PHACTR2: variants seen among roughly 807,000 people sequenced by gnomAD.
PHACTR2 encodes the protein chromosome 6 open reading frame 56.
A neutral mutation model predicts 76.0 loss-of-function variants in PHACTR2; 30 were observed. The observed-to-expected ratio is 0.39, with a 90% CI of 0.30 to 0.54. The LOEUF is 0.54. Among genes scored for constraint, PHACTR2 ranks in the 20% least tolerant of loss-of-function variants. The probability of loss-of-function intolerance (pLI) is 0.61; values close to 1 mark genes in which losing one functional copy is unlikely to be tolerated. For missense variants in PHACTR2, 696 were observed against 781.1 expected (o/e 0.89, Z 1.30); for synonymous variants, 292 against 292.5 (o/e 1.00, Z 0.02).
At chr6:143,736,623 G>A (rs1223117158) in intron 2 of PHACTR2, among the ~76,000 whole-genome samples, 1 of 123,910 alleles carries the variant, frequency 8.1e-6, no homozygotes, top group African/African-American at 3.1e-5. Context: ...CACCCAGGCT[G>A]GAGTGCAGTG....
At position 143,821,789 on chromosome 6, in the gene PHACTR2, G is replaced by A. The variant is rs1381512193; in HGVS notation, c.1923-1885G>A. 6.6e-6 allele frequency among the ~76,000 whole-genome samples: 1 copy of A among 152,166 alleles called. No individual in the cohort carries two copies. Among genetic ancestry groups the A allele is most frequent in the Non-Finnish European group, 1.5e-5 (1 of 68,032 alleles). ...ACAGATTGCTTGAGTGCAGGAGTTTGAGAACAGCCTGAGCAACATAGCAAA... is the reference window on the plus strand; with the variant it reads ...ACAGATTGCTTGAGTGCAGGAGTTTAAGAACAGCCTGAGCAACATAGCAAA... On this transcript the variant is annotated intron_variant, in intron 12 of 12. Coordinates refer to ENST00000440869, the MANE Select transcript of PHACTR2 (RefSeq NM_001100164.2). This position sits in a 1 kb window ranked among gnomAD's most constrained non-coding sequence, Gnocchi z 5.2.
intron 10 of PHACTR2, among the ~76,000 whole-genome samples, chr6:143,785,988 A>G (rs1775548200): frequency 6.6e-6 from 1 of 152,182 alleles, no homozygotes; most frequent in African/African-American, 2.4e-5. Context: ...CATTTTCCCC[A>G]TGGTCTTGAG....
At position 143,619,204 on chromosome 6, in the gene PHACTR2, G is replaced by C. The variant is rs1474649230; in HGVS notation, c.13+10882G>C. On this transcript the variant is annotated intron_variant, in intron 1 of 11. Transcript: ENST00000305766. The surrounding 1 kb of genome is among the most constrained non-coding windows in gnomAD (Gnocchi z 4.5). ...TCTACCTGCATGCTTACCTACCTGT[G>C]ATCTATTTTTCTGTCTACCTATCAT... Among the ~76,000 whole-genome samples the C allele has an allele frequency of 2.0e-5, 3 of 152,034 alleles. No individual in the cohort carries two copies. Among genetic ancestry groups the C allele is most frequent in the South Asian group, 2.1e-4 (1 of 4,818 alleles).
In PHACTR2 at chr6:143,672,285, TACA is replaced by T. The variant is rs1777166596; in HGVS notation, c.14-39729_14-39727del. Among the ~76,000 whole-genome samples, 2 of 145,268 alleles carry T rather than the reference TACA, an allele frequency of 1.4e-5. No homozygotes were observed. The highest frequency in any genetic ancestry group is 5.2e-5 in the African/African-American group (2 of 38,160). On this transcript the variant is annotated intron_variant, in intron 1 of 11. Coordinates refer to the PHACTR2 transcript ENST00000305766. This position sits in a 1 kb window ranked among gnomAD's most constrained non-coding sequence, Gnocchi z 5.8. ...GGGCAATATAGTGAGACCCTATCTCTACAAAAAAAAAAAAAATTACAAATAATT... is the reference window on the plus strand; with the variant it reads ...GGGCAATATAGTGAGACCCTATCTCTAAAAAAAAAAAAATTACAAATAATT...
intron 1 of PHACTR2, among the ~76,000 whole-genome samples, chr6:143,626,755 A>C (rs1776267621): frequency 6.6e-6 from 1 of 152,266 alleles, no homozygotes; most frequent in Admixed American, 6.5e-5. Flanking sequence ...TGCCTGTGCT[A>C]TGTACACCAG....
rs1582705164 is a variant in PHACTR2, at chr6:143,618,800, ACTCCT to A, written c.13+10490_13+10494del. Among the ~76,000 whole-genome samples, 1 of 150,714 alleles carries A rather than the reference ACTCCT, an allele frequency of 6.6e-6. No homozygotes were observed. The highest frequency in any genetic ancestry group is 6.6e-5 in the Admixed American group (1 of 15,136). On this transcript the variant is annotated intron_variant, in intron 1 of 11. Transcript: ENST00000305766. This position sits in a 1 kb window ranked among gnomAD's most constrained non-coding sequence, Gnocchi z 5.2. Reference sequence around the variant, plus strand: ...TCCTCTGGATAGAATGAGTGTTCTCACTCCTCTCCTCTCCTCCCCGAAAACTCTCT... The same window carrying A: ...TCCTCTGGATAGAATGAGTGTTCTCACTCCTCTCCTCCCCGAAAACTCTCT...
chr6:143,655,078 A>G (rs1776825419), intron 1 of PHACTR2, among the ~76,000 whole-genome samples: 1 of 149,476 alleles, frequency 6.7e-6, no homozygotes. Context: ...AATTGCTTGA[A>G]CCTGGGAGGC....
In PHACTR2 at chr6:143,624,202, G is replaced by C. The variant is rs1404826524; in HGVS notation, c.13+15880G>C. ...GCTCATTACAACCTCTGCCCCCTGGGTTGAAGCAATTCTCCTGCCTCAGCT... is the reference window on the plus strand; with the variant it reads ...GCTCATTACAACCTCTGCCCCCTGGCTTGAAGCAATTCTCCTGCCTCAGCT... On this transcript the variant is annotated intron_variant, in intron 1 of 11. Coordinates refer to the PHACTR2 transcript ENST00000305766. The surrounding 1 kb of genome is among the most constrained non-coding windows in gnomAD (Gnocchi z 4.6). Among the ~76,000 whole-genome samples the C allele has an allele frequency of 1.3e-5, 2 of 152,104 alleles. No individual in the cohort carries two copies. The highest frequency in any genetic ancestry group is 4.8e-5 in the African/African-American group (2 of 41,392).
intron 1 of PHACTR2, among the ~76,000 whole-genome samples, chr6:143,577,971 A>G (rs532941754): frequency 1.3e-5 from 2 of 152,286 alleles, no homozygotes; most frequent in African/African-American, 4.8e-5. Flanking sequence ...AGTTCTCATT[A>G]TTTATTTTTC....
rs146735544 is a variant in PHACTR2 at position 143,669,454 on chromosome 6, C to T, written c.14-42562C>T. 4.1e-3 allele frequency among the ~76,000 whole-genome samples: 620 copies of T among 152,176 alleles called. 5 individuals are homozygous for T. The highest frequency in any genetic ancestry group is 0.014 in the African/African-American group (594 of 41,486). ...TTAATATTCTGTCTCGTTGATCTGT[C>T]CAATATTGACAGTGGGGTGTTAAAG... On this transcript the variant is annotated intron_variant, in intron 1 of 11. Coordinates refer to the PHACTR2 transcript ENST00000305766.
At position 143,610,556 on chromosome 6, in the gene PHACTR2, G is replaced by A. The variant is rs986169822; in HGVS notation, c.13+2234G>A. Among the ~76,000 whole-genome samples, 1 of 152,196 alleles carries A rather than the reference G, an allele frequency of 6.6e-6. No individual in the cohort carries two copies. The highest frequency in any genetic ancestry group is 2.4e-5 in the African/African-American group (1 of 41,440). ...AGAAGCACAGCAATGGGTCCACACA[G>A]GTTGAATGTCCCTCATTTATTCAAG... On this transcript the variant is annotated intron_variant, in intron 1 of 11. Coordinates refer to the PHACTR2 transcript ENST00000305766. The surrounding 1 kb of genome is among the most constrained non-coding windows in gnomAD (Gnocchi z 4.9).
In PHACTR2 at chr6:143,581,456, G is replaced by A. The variant is rs1016726083; in HGVS notation, c.217+44249G>A. On this transcript the variant is annotated intron_variant, in intron 1 of 11. Coordinates refer to the PHACTR2 transcript ENST00000367584. This position sits in a 1 kb window ranked among gnomAD's most constrained non-coding sequence, Gnocchi z 4.5. The stretch of plus-strand genomic sequence containing the variant: ...TCTCGGAGAGGGCGCTTGTTTGGGG[G>A]TTACTCAGTGAGACCTGGGAAGGAG... Among the ~76,000 whole-genome samples, 2 of 152,162 alleles carry A rather than the reference G, an allele frequency of 1.3e-5. No homozygotes were observed. Among genetic ancestry groups the A allele is most frequent in the Admixed American group, 6.5e-5 (1 of 15,278 alleles).
Position 143,791,147 on chromosome 6 carries a change from T to C in PHACTR2, c.1845+2237T>C, listed in dbSNP as rs560759719. Among the ~76,000 whole-genome samples, 9 of 152,262 alleles carry C rather than the reference T, an allele frequency of 5.9e-5. No individual in the cohort carries two copies. The highest frequency in any genetic ancestry group is 1.3e-4 in the Non-Finnish European group (9 of 68,042). ...GCTTTTCACATTTAACTTTTTTGTTTACCTGGAGTTGTTTTTTGGGGGAAG... is the reference window on the plus strand; with the variant it reads ...GCTTTTCACATTTAACTTTTTTGTTCACCTGGAGTTGTTTTTTGGGGGAAG... On this transcript the variant is annotated intron_variant, in intron 11 of 12. Coordinates refer to ENST00000440869, the MANE Select transcript of PHACTR2 (RefSeq NM_001100164.2). The surrounding 1 kb of genome is among the most constrained non-coding windows in gnomAD (Gnocchi z 4.7).
chr6:143,708,500 C>T lies in PHACTR2; in HGVS notation c.47-3516C>T, dbSNP rs1778101425. Among the ~76,000 whole-genome samples the T allele has an allele frequency of 6.6e-6, 1 of 152,210 alleles. No homozygotes were observed. The highest frequency in any genetic ancestry group is 2.4e-5 in the African/African-American group (1 of 41,442). On this transcript the variant is annotated intron_variant, in intron 1 of 12. Transcript: ENST00000440869. The surrounding 1 kb of genome is among the most constrained non-coding windows in gnomAD (Gnocchi z 5.5). Reference sequence around the variant, plus strand: ...AATTTTACCTTTCATCTGGGATTTACCTGGCAGTTTGTTCTTATCTGCATG... The same window carrying T: ...AATTTTACCTTTCATCTGGGATTTATCTGGCAGTTTGTTCTTATCTGCATG...
intron 1 of PHACTR2, among the ~76,000 whole-genome samples, chr6:143,566,582 A>G (rs1233296262): frequency 1.3e-5 from 2 of 152,132 alleles, no homozygotes; most frequent in African/African-American, 4.8e-5. Context: ...TGGATTACAG[A>G]TGTGAGCCAC....
In PHACTR2 at chr6:143,633,124, A is replaced by T. The variant is rs906208408; in HGVS notation, c.13+24802A>T. Among the ~76,000 whole-genome samples the T allele has an allele frequency of 6.6e-6, 1 of 152,198 alleles. No individual in the cohort carries two copies. Among genetic ancestry groups the T allele is most frequent in the African/African-American group, 2.4e-5 (1 of 41,458 alleles). ...CTTTCAGCCGATTTGGTTAAATACC[A>T]AGGCGTGCAATTGCTGAATCATAGG... is the stretch of plus-strand genomic sequence containing the variant. On this transcript the variant is annotated intron_variant, in intron 1 of 11. Transcript: ENST00000305766. The surrounding 1 kb of genome is among the most constrained non-coding windows in gnomAD (Gnocchi z 4.1).
chr6:143,797,779 T>G (rs1468845116), intron 11 of PHACTR2, among the ~76,000 whole-genome samples: 1 of 152,212 alleles, frequency 6.6e-6, no homozygotes, highest in Non-Finnish European at 1.5e-5. Flanking sequence ...TTGGCACCAG[T>G]ACCATGCTGT....
chr6:143,726,343 T>C (rs1778570774), intron 2 of PHACTR2, among the ~76,000 whole-genome samples: 1 of 152,214 alleles, frequency 6.6e-6, no homozygotes, highest in South Asian at 2.1e-4. Context: ...AGCTCAGTAG[T>C]GTTCAATATA....
At chr6:143,612,298 A>G (rs1015937421) in intron 1 of PHACTR2, among the ~76,000 whole-genome samples, 6 of 152,200 alleles carry the variant, frequency 3.9e-5, no homozygotes, top group Non-Finnish European at 7.3e-5. Flanking sequence ...GTCACATAAG[A>G]AAATGTAAGC....
Sources: gnomAD v4.1 joint callset for allele counts (sites outside exome capture counted in the v4.1 genomes callset) on GRCh38, gnomAD v4.1.1 for gene constraint, Gnocchi (gnomAD v3.1) non-coding constraint, MANE v1.5 for transcripts, NCBI Gene and HGNC (gene_info 2026-07-23, HGNC 2026-07-21) for gene names.